NFIC: variants seen among roughly 807,000 people sequenced by gnomAD.
The protein encoded by NFIC is nuclear factor I C, also known as nuclear factor 1 C-type.
In NFIC, 12 loss-of-function variants were observed where a neutral mutation model predicts 54.4. The ratio of observed to expected loss-of-function variants is 0.22; its 90% CI spans 0.14 to 0.36. The LOEUF is 0.36. Among genes scored for constraint, NFIC ranks in the 10% least tolerant of loss-of-function variants. NFIC has a pLI of 1.00. For synonymous variants in NFIC, 322 were observed against 319.2 expected (o/e 1.01, Z -0.09); for missense variants, 575 against 718.2 (o/e 0.80, Z 2.28).
At chr19:3,371,998 C>CCTCTCTCCCTCT (rs2081027131) in intron 1 of NFIC, among the ~76,000 whole-genome samples, 1 of 35,370 alleles carries the variant, frequency 2.8e-5, no homozygotes, top group Non-Finnish European at 5.3e-5. Flanking sequence ...CCTCTCTCTC[C>CCTCTCTCCCTCT]CTCTCTCTCT....
Position 3,464,276 on chromosome 19 carries a change from T to C in NFIC, c.*1507T>C. The C allele has an allele frequency of 1.0e-6, 1 of 985,292 alleles. No homozygotes were observed. The highest frequency in any genetic ancestry group is 1.2e-6 in the Non-Finnish European group (1 of 829,900). 61.0% of individuals were successfully genotyped at this position (985,292 alleles called of 1,614,324 possible). A position where few individuals can be genotyped will look rare whatever the true frequency, so the allele number is the denominator to read the frequency against. On this transcript the variant is annotated 3_prime_UTR_variant, in exon 11 of 11. Transcript: ENST00000443272. The stretch of plus-strand genomic sequence containing the variant: ...GTCCCCGCTCGGAACGGGGAGGGTT[T>C]TCGGGGGGTTCGGCGTCGCACCTTG...
At chr19:3,430,941 A>AAAAAAGAAAAG (rs2082110766) in intron 3 of NFIC, among the ~76,000 whole-genome samples, 1 of 151,266 alleles carries the variant, frequency 6.6e-6, no homozygotes, top group African/African-American at 2.4e-5. Flanking sequence ...CAAAAAAAAA[A>AAAAAAGAAAAG]AAAAAGAAAA....
chr19:3,379,673 C>T (rs960993934), intron 1 of NFIC, among the ~76,000 whole-genome samples: 7 of 102,526 alleles, frequency 6.8e-5, no homozygotes, highest in South Asian at 3.5e-4. Context: ...TTATTTCTTT[C>T]TTTTTTTTTT....
At chr19:3,381,576 C>G (rs1483136117) in intron 1 of NFIC, 136 bp from the exon 2 acceptor site, 2 of 1,335,918 alleles carry the variant, frequency 1.5e-6, no homozygotes, top group African/African-American at 3.0e-5. Context: ...GCAGCGACCC[C>G]CTGCCCACCT....
chr19:3,458,201 AGAC>A lies in NFIC; in HGVS notation c.1509+1568_1509+1570del, dbSNP rs1260689222. On this transcript the variant is annotated intron_variant, in intron 10 of 10. Transcript: ENST00000443272. The surrounding 1 kb of genome is among the most constrained non-coding windows in gnomAD (Gnocchi z 4.1). Reference sequence around the variant, plus strand: ...ACTTGGTCAGGGTCCCCCAGCGAGCAGACGTCCAGGACTCCTCGCTTTGGGATT... The same window carrying A: ...ACTTGGTCAGGGTCCCCCAGCGAGCAGTCCAGGACTCCTCGCTTTGGGATT... 6.6e-6 allele frequency among the ~76,000 whole-genome samples: 1 copy of A among 152,168 alleles called. No homozygotes were observed. The highest frequency in any genetic ancestry group is 2.4e-5 in the African/African-American group (1 of 41,430).
chr19:3,432,115 C>T (rs1309880993), intron 3 of NFIC, among the ~76,000 whole-genome samples: 1 of 152,146 alleles, frequency 6.6e-6, no homozygotes, highest in Non-Finnish European at 1.5e-5. Context: ...CCTACAAGGG[C>T]GTCCGAGGGC....
rs1343318245 is a variant in NFIC at position 3,458,353 on chromosome 19, G to T, written c.1509+1718G>T. Among the ~76,000 whole-genome samples the T allele has an allele frequency of 2.0e-5, 3 of 152,272 alleles. No individual in the cohort carries two copies. In the East Asian group the frequency reaches 5.8e-4, roughly 29 times the overall value. ...GGCTGGGAACGTCTTAAGTGGTTCAGAAACCAAAGCTAATAAAAGCTGCGG... is the reference window on the plus strand; with the variant it reads ...GGCTGGGAACGTCTTAAGTGGTTCATAAACCAAAGCTAATAAAAGCTGCGG... On this transcript the variant is annotated intron_variant, in intron 10 of 10. Transcript: ENST00000443272. The surrounding 1 kb of genome is among the most constrained non-coding windows in gnomAD (Gnocchi z 4.1).
intron 2 of NFIC, among the ~76,000 whole-genome samples, chr19:3,419,093 GA>G (rs1473294796): frequency 6.6e-6 from 1 of 152,038 alleles, no homozygotes; most frequent in Non-Finnish European, 1.5e-5. Context: ...GACGGGGAGT[GA>G]GTGTTTCATG....
At chr19:3,446,046 C>A (rs966697436) in intron 6 of NFIC, among the ~76,000 whole-genome samples, 1 of 151,986 alleles carries the variant, frequency 6.6e-6, no homozygotes, top group African/African-American at 2.4e-5. Context: ...CCGATCTGGC[C>A]CCCACATCAG....
At chr19:3,368,063 CT>C (rs1331397829) in intron 1 of NFIC, among the ~76,000 whole-genome samples, 1 of 103,408 alleles carries the variant, frequency 9.7e-6, no homozygotes, top group African/African-American at 3.2e-5. Flanking sequence ...TTCTGAGCAG[CT>C]TTGGGGGGGG....
At chr19:3,444,963 A>ATG in intron 6 of NFIC, among the ~76,000 whole-genome samples, 1 of 152,336 alleles carries the variant, frequency 6.6e-6, no homozygotes, top group South Asian at 2.1e-4. Flanking sequence ...GCATACACAT[A>ATG]CATGCATATA....
chr19:3,374,378 A>G (rs988866925), intron 1 of NFIC, among the ~76,000 whole-genome samples: 2 of 152,176 alleles, frequency 1.3e-5, no homozygotes, highest in African/African-American at 4.8e-5. Context: ...GCAAGGAACA[A>G]GGTCACCAGG....
chr19:3,464,758 A>T lies in NFIC; in HGVS notation c.*1989A>T, dbSNP rs2082694379. On this transcript the variant is annotated 3_prime_UTR_variant, in exon 11 of 11. Transcript: ENST00000443272. ...CCAGGACCCTCCCCCATCACCCCCAAGAGAGGTTCGCCATCCTCTGGCCTC... is the reference window on the plus strand; with the variant it reads ...CCAGGACCCTCCCCCATCACCCCCATGAGAGGTTCGCCATCCTCTGGCCTC... 3 of 972,106 alleles carry T rather than the reference A, an allele frequency of 3.1e-6. No individual in the cohort carries two copies. The highest frequency in any genetic ancestry group is 3.7e-6 in the Non-Finnish European group (3 of 818,360). 60.2% of individuals were successfully genotyped at this position (972,106 alleles called of 1,614,324 possible). A position where few individuals can be genotyped will look rare whatever the true frequency, so the allele number is the denominator to read the frequency against.
At chr19:3,400,873 T>C (rs895713887) in intron 2 of NFIC, among the ~76,000 whole-genome samples, 4 of 151,914 alleles carry the variant, frequency 2.6e-5, no homozygotes, top group Non-Finnish European at 5.9e-5. Context: ...TAAAAAGAAA[T>C]AAATGTCAGT....
At chr19:3,365,528 G>A (rs1161037342), upstream of NFIC, among the ~76,000 whole-genome samples, 1 of 152,176 alleles carries the variant, frequency 6.6e-6, no homozygotes, top group Non-Finnish European at 1.5e-5. Context: ...GGCTCAGACG[G>A]AGGCAGGCCA....
chr19:3,417,570 G>A (rs1158722738), intron 2 of NFIC, among the ~76,000 whole-genome samples: 1 of 151,752 alleles, frequency 6.6e-6, no homozygotes, highest in Non-Finnish European at 1.5e-5. Context: ...TTTAAGGCTG[G>A]GTGTGTACTA....
chr19:3,384,273 C>T (rs1599584821), intron 2 of NFIC, among the ~76,000 whole-genome samples: 2 of 151,852 alleles, frequency 1.3e-5, no homozygotes, highest in Admixed American at 1.3e-4. Flanking sequence ...TGCTATGTTG[C>T]CCAGGTTGGC....
chr19:3,387,576 G>A (rs916183737), intron 2 of NFIC, among the ~76,000 whole-genome samples: 3 of 152,096 alleles, frequency 2.0e-5, no homozygotes, highest in Non-Finnish European at 2.9e-5. Context: ...ATGGAGGGGG[G>A]CTGGGGGCCA....
At chr19:3,377,897 C>A (rs2081135752) in intron 1 of NFIC, among the ~76,000 whole-genome samples, 1 of 152,110 alleles carries the variant, frequency 6.6e-6, no homozygotes, top group South Asian at 2.1e-4. Context: ...GCTGGGACTA[C>A]AGACGCGCAC....
Sources: allele counts gnomAD v4.1 joint callset (sites outside exome capture counted in the v4.1 genomes callset), GRCh38; gene constraint gnomAD v4.1.1; non-coding constraint Gnocchi (gnomAD v3.1); transcripts MANE v1.5; gene names NCBI Gene and HGNC (gene_info 2026-07-23, HGNC 2026-07-21).